The following TLL1 variants were observed in gnomAD, a reference collection of about 807,000 sequenced individuals.
The protein encoded by TLL1 is tolloid like 1.
In TLL1, 49 loss-of-function variants were observed where a neutral mutation model predicts 128.2. The observed-to-expected ratio is 0.38, with a 90% CI of 0.30 to 0.48. The LOEUF is 0.48. TLL1 is among the 20% of genes least tolerant of loss of function. TLL1 has a pLI of 0.96. For missense variants in TLL1, 1,123 were observed against 1,242.0 expected (o/e 0.90, Z 1.44); for synonymous variants, 454 against 418.8 (o/e 1.08, Z -1.03).
intron 12 of TLL1, among the ~76,000 whole-genome samples, chr4:166,054,219 A>G (rs1325964613): frequency 1.3e-5 from 2 of 152,090 alleles, no homozygotes; most frequent in East Asian, 3.9e-4. Context: ...ATTCTACTAT[A>G]TAGTAGTCTT....
At position 165,978,809 on chromosome 4, in the gene TLL1, A is replaced by G. The variant is rs532133426; in HGVS notation, c.170-10572A>G. 1.1e-4 allele frequency among the ~76,000 whole-genome samples: 17 copies of G among 152,308 alleles called. No homozygotes were observed. In the South Asian group the frequency reaches 3.5e-3, roughly 32 times the overall value. Reference sequence around the variant, plus strand: ...TGTGCTTTCCAATGAGTATCTTGTCAGTGATTTTGACATATTCCTGTCCCC... The same window carrying G: ...TGTGCTTTCCAATGAGTATCTTGTCGGTGATTTTGACATATTCCTGTCCCC... On this transcript the variant is annotated intron_variant, in intron 1 of 20. Transcript: ENST00000061240.
At chr4:165,924,101 T>C (rs1157259656) in intron 1 of TLL1, among the ~76,000 whole-genome samples, 1 of 152,178 alleles carries the variant, frequency 6.6e-6, no homozygotes, top group South Asian at 2.1e-4. Context: ...TTCTATTCCA[T>C]GAGACACAAC....
intron 9 of TLL1, among the ~76,000 whole-genome samples, chr4:166,036,300 C>T (rs955238520): frequency 2.6e-5 from 4 of 152,170 alleles, no homozygotes; most frequent in African/African-American, 9.6e-5. Flanking sequence ...GCAGCAGTGA[C>T]ATCTATTCAA....
chr4:165,882,266 A>G (rs1730997083), intron 1 of TLL1, among the ~76,000 whole-genome samples: 1 of 152,196 alleles, frequency 6.6e-6, no homozygotes, highest in African/African-American at 2.4e-5. Flanking sequence ...AATATTTACT[A>G]TACGGGTATT....
chr4:166,042,450 T>A (rs1039034841), intron 11 of TLL1, among the ~76,000 whole-genome samples: 1 of 152,210 alleles, frequency 6.6e-6, no homozygotes, highest in Admixed American at 6.5e-5. Context: ...GAAGAAATTA[T>A]CATTTTCCTT....
intron 19 of TLL1, among the ~76,000 whole-genome samples, chr4:166,093,264 T>C (rs1741860765): frequency 6.6e-6 from 1 of 152,136 alleles, no homozygotes; most frequent in South Asian, 2.1e-4. Flanking sequence ...TTTCACTATC[T>C]CAGCAAGAGG....
chr4:166,097,158 G>A (rs1176298150), intron 19 of TLL1, among the ~76,000 whole-genome samples: 3 of 152,022 alleles, frequency 2.0e-5, no homozygotes, highest in East Asian at 1.9e-4. Flanking sequence ...CCCCCAGCTG[G>A]TAAAGAACAG....
rs143837084 is a variant in TLL1, at chr4:166,051,299, T to TTTCCTTCC, written c.1525-3757_1525-3750dup. Among the ~76,000 whole-genome samples, 332 of 126,530 alleles carry TTTCCTTCC rather than the reference T, an allele frequency of 2.6e-3. 6 individuals carry two copies. In the East Asian group the frequency reaches 0.041, roughly 16 times the overall value. 83.0% of individuals were successfully genotyped at this position (126,530 alleles called of 152,430 possible). ...CCTCCCTTCTTTCTTCCCTCCCTCC[T>TTTCCTTCC]TTCCTTCCTTCCTTCCTTCCTTCCT... On this transcript the variant is annotated intron_variant, in intron 12 of 20. Coordinates refer to ENST00000061240, the MANE Select transcript of TLL1 (RefSeq NM_012464.5).
chr4:165,927,816 A>T (rs1429870387), intron 1 of TLL1, among the ~76,000 whole-genome samples: 1 of 152,364 alleles, frequency 6.6e-6, no homozygotes, highest in East Asian at 1.9e-4. Context: ...CCTCCACGAC[A>T]AAGAAATATC....
chr4:165,907,347 T>G (rs576516674), intron 1 of TLL1, among the ~76,000 whole-genome samples: 40 of 152,162 alleles, frequency 2.6e-4, no homozygotes, highest in Non-Finnish European at 5.3e-4. Context: ...AAATAGCCTG[T>G]TCATTGAATC....
At chr4:166,064,579 G>A (rs1027786322) in intron 15 of TLL1, among the ~76,000 whole-genome samples, 1 of 152,130 alleles carries the variant, frequency 6.6e-6, no homozygotes, top group African/African-American at 2.4e-5. Context: ...TTCATAGTTT[G>A]ATATCTTAGC....
intron 7 of TLL1, among the ~76,000 whole-genome samples, chr4:166,012,221 G>A (rs1013128021): frequency 1.3e-5 from 2 of 151,506 alleles, no homozygotes; most frequent in Non-Finnish European, 3.0e-5. Flanking sequence ...ACCATGATAT[G>A]ATCTGTCTCT....
chr4:166,046,378 C>T (rs889023136), intron 12 of TLL1, among the ~76,000 whole-genome samples: 1 of 152,120 alleles, frequency 6.6e-6, no homozygotes, highest in Admixed American at 6.5e-5. Flanking sequence ...ATTCACAAGT[C>T]ACAGGATTTA....
chr4:165,936,206 A>ATTTTTTTTTT (rs199985086), intron 1 of TLL1, among the ~76,000 whole-genome samples: 1 of 139,608 alleles, frequency 7.2e-6, no homozygotes. Flanking sequence ...ATATATATAT[A>ATTTTTTTTTT]TTTTTTTTTC....
In TLL1 at chr4:165,894,946, T is replaced by A. The variant is rs142355446; in HGVS notation, c.169+20873T>A. On this transcript the variant is annotated intron_variant, in intron 1 of 20. Transcript: ENST00000061240. ...TACATGCACATGCATTTTATAAAAA[T>A]TGACTATATAATTTTAAAATTATAT... is the stretch of plus-strand genomic sequence containing the variant. Among the ~76,000 whole-genome samples the A allele has an allele frequency of 4.2e-3, 638 of 151,888 alleles. 9 individuals carry two copies. Among genetic ancestry groups the A allele is most frequent in the African/African-American group, 0.015 (609 of 41,412 alleles).
chr4:166,022,340 A>G (rs146368399), intron 8 of TLL1, among the ~76,000 whole-genome samples: 1 of 152,016 alleles, frequency 6.6e-6, no homozygotes, highest in African/African-American at 2.4e-5. Context: ...TAGTTTTTGT[A>G]TTTTTAGTAG....
In TLL1 at chr4:165,933,450, C is replaced by T. The variant is rs889810446; in HGVS notation, c.170-55931C>T. Among the ~76,000 whole-genome samples, 69 of 152,188 alleles carry T rather than the reference C, an allele frequency of 4.5e-4. 2 individuals are homozygous for T. Among genetic ancestry groups the T allele is most frequent in the East Asian group, 3.9e-4 (2 of 5,166 alleles). On this transcript the variant is annotated intron_variant, in intron 1 of 20. Coordinates refer to ENST00000061240, the MANE Select transcript of TLL1 (RefSeq NM_012464.5). ...CTCAGCTGAGGCAGACTGCACAGAC[C>T]GTCATCATCATGGCGCATCTCGAGG...
At chr4:165,931,430 A>C (rs1733508290) in intron 1 of TLL1, among the ~76,000 whole-genome samples, 3 of 152,158 alleles carry the variant, frequency 2.0e-5, no homozygotes, top group African/African-American at 7.2e-5. Context: ...TAGAAATTGC[A>C]GTGATTGGCC....
chr4:166,042,250 A>T (rs959336242), intron 11 of TLL1, 107 bp downstream of exon 11: 4 of 790,708 alleles, frequency 5.1e-6, no homozygotes, highest in Non-Finnish European at 8.7e-6. Flanking sequence ...AAAATTATGA[A>T]TTTTTCTGAA....
Sources: gnomAD v4.1 joint callset for allele counts (sites outside exome capture counted in the v4.1 genomes callset) on GRCh38, gnomAD v4.1.1 for gene constraint, MANE v1.5 for transcripts, NCBI Gene and HGNC (gene_info 2026-07-23, HGNC 2026-07-21) for gene names.